VOPP1: variants seen among roughly 807,000 people sequenced by gnomAD.
The protein encoded by VOPP1 is VOPP1 WW domain binding protein.
In VOPP1, 8 loss-of-function variants were observed where a neutral mutation model predicts 23.5. The observed-to-expected ratio is 0.34, with a 90% CI of 0.20 to 0.61. The LOEUF (loss-of-function observed/expected upper bound fraction) is 0.61. Ranked by LOEUF, VOPP1 falls within the 20% of genes least tolerant of loss-of-function variation. The probability of loss-of-function intolerance (pLI) is 0.78; values close to 1 mark genes in which losing one functional copy is unlikely to be tolerated. For synonymous variants in VOPP1, 83 were observed against 97.3 expected (o/e 0.85, Z 0.86); for missense variants, 174 against 238.1 (o/e 0.73, Z 1.77).
chr7:55,484,280 G>C (rs1035229509), intron 4 of VOPP1, among the ~76,000 whole-genome samples: 1 of 152,222 alleles, frequency 6.6e-6, no homozygotes, highest in African/African-American at 2.4e-5. Flanking sequence ...CTACTGTAGA[G>C]ACATCCCAGG....
intron 4 of VOPP1, among the ~76,000 whole-genome samples, chr7:55,463,010 C>T (rs982327340): frequency 1.3e-5 from 2 of 152,134 alleles, no homozygotes; most frequent in African/African-American, 2.4e-5. Flanking sequence ...ATTTCTTACT[C>T]AGATCATAAG....
chr7:55,566,770 C>T (rs1798176442), intron 1 of VOPP1, among the ~76,000 whole-genome samples: 1 of 152,138 alleles, frequency 6.6e-6, no homozygotes, highest in Non-Finnish European at 1.5e-5. Flanking sequence ...ATATTGAGGA[C>T]ATCCTCATCA....
At chr7:55,528,528 T>C (rs1166491972) in intron 1 of VOPP1, among the ~76,000 whole-genome samples, 2 of 151,962 alleles carry the variant, frequency 1.3e-5, no homozygotes, top group Non-Finnish European at 2.9e-5. Context: ...GTACTAAAAA[T>C]ACAAAAATTA....
At chr7:55,518,818 T>C (rs1795644483) in intron 2 of VOPP1, among the ~76,000 whole-genome samples, 1 of 152,162 alleles carries the variant, frequency 6.6e-6, no homozygotes, top group South Asian at 2.1e-4. Context: ...GCATTGTTCC[T>C]GATGGTTTTA....
At chr7:55,446,677 A>G (rs1425823896) in intron 4 of VOPP1, among the ~76,000 whole-genome samples, 1 of 152,228 alleles carries the variant, frequency 6.6e-6, no homozygotes, top group Admixed American at 6.5e-5. Context: ...GGCCAGACTC[A>G]TATATCAGAG....
intron 1 of VOPP1, among the ~76,000 whole-genome samples, chr7:55,546,848 G>C (rs915486620): frequency 1.3e-5 from 2 of 152,208 alleles, no homozygotes; most frequent in African/African-American, 4.8e-5. Flanking sequence ...GAGCCTGGGA[G>C]GCTAAGCCAT....
chr7:55,540,996 A>G (rs1048620549), intron 1 of VOPP1, among the ~76,000 whole-genome samples: 20 of 152,252 alleles, frequency 1.3e-4, no homozygotes, highest in African/African-American at 4.8e-4. Flanking sequence ...AAACAATACC[A>G]TAAAGTAAAA....
chr7:55,482,080 G>T (rs1350598793), intron 4 of VOPP1, among the ~76,000 whole-genome samples: 2 of 151,926 alleles, frequency 1.3e-5, no homozygotes, highest in Non-Finnish European at 2.9e-5. Flanking sequence ...CATGACTATT[G>T]TATCTTCACC....
chr7:55,469,671 G>C (rs55640812), downstream of VOPP1, among the ~76,000 whole-genome samples: 25,843 of 152,202 alleles, frequency 0.17, 2,357 homozygotes, highest in Middle Eastern at 0.26. Flanking sequence ...GGGGTGGGCA[G>C]AAGTGGTGTG....
chr7:55,502,793 G>A (rs1794457280), intron 2 of VOPP1, among the ~76,000 whole-genome samples: 1 of 152,192 alleles, frequency 6.6e-6, no homozygotes, highest in South Asian at 2.1e-4. Flanking sequence ...TGGCAATGCT[G>A]CTCCCAAGGA....
chr7:55,560,122 C>T (rs113634333), intron 1 of VOPP1, among the ~76,000 whole-genome samples: 5 of 152,320 alleles, frequency 3.3e-5, no homozygotes, highest in South Asian at 2.1e-4. Flanking sequence ...CACTGCACTC[C>T]GGCCTGGGGA....
chr7:55,515,997 C>A, intron 2 of VOPP1: 1 of 985,518 alleles, frequency 1.0e-6, no homozygotes. Flanking sequence ...TCAGGCCGTG[C>A]TGGCAAAGGA....
intron 1 of VOPP1, among the ~76,000 whole-genome samples, chr7:55,530,550 T>A (rs1796440766): frequency 1.3e-5 from 2 of 152,154 alleles, no homozygotes. Context: ...AAGCTGAAAG[T>A]CGGCATTTGA....
intron 4 of VOPP1, among the ~76,000 whole-genome samples, chr7:55,456,164 GAA>G (rs1791360856): frequency 6.6e-6 from 1 of 152,156 alleles, no homozygotes; most frequent in Admixed American, 6.5e-5. Context: ...CTTCTCAAAA[GAA>G]GACATTTATG....
chr7:55,530,839 T>C (rs1215685699), intron 1 of VOPP1: 1 of 152,222 alleles, frequency 6.6e-6, no homozygotes, highest in Non-Finnish European at 1.5e-5. Flanking sequence ...CTCTCAACAC[T>C]GTCAATTACT....
intron 1 of VOPP1, chr7:55,538,637 C>T (rs1796950508): frequency 6.5e-7 from 1 of 1,535,644 alleles, no homozygotes; most frequent in Admixed American, 2.0e-5. Context: ...AAGACAGATA[C>T]CCAAGAGTTT....
intron 4 of VOPP1, among the ~76,000 whole-genome samples, chr7:55,475,560 G>A (rs2129009416): frequency 6.6e-6 from 1 of 152,306 alleles, no homozygotes; most frequent in East Asian, 1.9e-4. Flanking sequence ...AGGCCCACTG[G>A]TGCAGGATTC....
chr7:55,521,661 TGGGAGCCTCTCCTG>T (rs1795868434), intron 1 of VOPP1: 1 of 987,348 alleles, frequency 1.0e-6, no homozygotes, highest in South Asian at 4.7e-5. Flanking sequence ...GGAAAGACAA[TGGGAGCCTCTCCTG>T]GGCTTTCCAG....
chr7:55,435,083 G>A (rs190700002), downstream of VOPP1, among the ~76,000 whole-genome samples: 8 of 152,322 alleles, frequency 5.3e-5, no homozygotes, highest in East Asian at 9.6e-4. Context: ...GCTCTGCGCC[G>A]CGACTTCTAT....
Sources: allele counts gnomAD v4.1 joint callset (sites outside exome capture counted in the v4.1 genomes callset), GRCh38; gene constraint gnomAD v4.1.1; transcripts MANE v1.5; gene names NCBI Gene and HGNC (gene_info 2026-07-23, HGNC 2026-07-21).